The following POLR2D variants were observed in gnomAD, a reference collection of about 807,000 sequenced individuals.
POLR2D encodes the protein RNA polymerase II subunit D.
In POLR2D, 10 loss-of-function variants were observed where a neutral mutation model predicts 17.6. The observed-to-expected ratio is 0.57, with a 90% confidence interval of 0.35 to 0.96. POLR2D has a LOEUF of 0.96. Ranked by LOEUF, POLR2D falls within the 40% of genes least tolerant of loss-of-function variation. The pLI is 0.02. For missense variants in POLR2D, 126 were observed against 176.4 expected, an observed-to-expected ratio of 0.71 and a Z score of 1.62; for synonymous variants, 52 against 60.2, an observed-to-expected ratio of 0.86 and a Z score of 0.63.
rs1690178646 is a variant in POLR2D at position 127,847,684 on chromosome 2, T to G, written c.*423A>C. Reference sequence around the variant, plus strand: ...AACTAACAGCGGTTTAATTCTTCCTTTAGTATCTAGGTAAAACTGGTCTTT... The same window carrying G: ...AACTAACAGCGGTTTAATTCTTCCTGTAGTATCTAGGTAAAACTGGTCTTT... On this transcript the variant is annotated 3_prime_UTR_variant, in exon 4 of 4. Transcript: ENST00000272645. 1 of 173,720 alleles carries G rather than the reference T, an allele frequency of 5.8e-6. No individual in the cohort carries two copies. The highest frequency in any genetic ancestry group is 1.2e-5 in the Non-Finnish European group (1 of 81,002). 10.8% of individuals were successfully genotyped at this position (173,720 alleles called of 1,614,324 possible). A position where few individuals can be genotyped will look rare whatever the true frequency, so the allele number is the denominator to read the frequency against.
At chr2:127,850,206 C>A (rs1033613829) in intron 3 of POLR2D, among the ~76,000 whole-genome samples, 1 of 151,946 alleles carries the variant, frequency 6.6e-6, no homozygotes, top group Admixed American at 6.6e-5. Context: ...TCTGGGAGGC[C>A]GAGGCGGGTG....
At chr2:127,850,778 G>T in intron 2 of POLR2D, 93 bp from the exon 3 acceptor site, 1 of 658,020 alleles carries the variant, frequency 1.5e-6, no homozygotes, top group Non-Finnish European at 2.7e-6. Context: ...GGGATCAAAC[G>T]TAGCTAGTAT....
At chr2:127,856,290 C>CAAAAAAAAAAAAAAAAAAAA (rs61249327) in intron 1 of POLR2D, among the ~76,000 whole-genome samples, 1,554 of 25,364 alleles carry the variant, frequency 0.061, 558 homozygotes, top group East Asian at 0.083. Flanking sequence ...GATCCCGTCT[C>CAAAAAAAAAAAAAAAAAAAA]AAAAAAAAAA....
chr2:127,850,536 C>T, intron 3 of POLR2D, 54 bp downstream of exon 3: 5 of 654,920 alleles, frequency 7.6e-6, no homozygotes, highest in Non-Finnish European at 1.3e-5. Flanking sequence ...CACACCAATT[C>T]TATTTGTAGG....
At chr2:127,857,694 G>C in intron 1 of POLR2D, 1 of 591,084 alleles carries the variant, frequency 1.7e-6, no homozygotes, top group Non-Finnish European at 2.2e-6. Flanking sequence ...ACTAATCGAA[G>C]TTGAGTTCGG....
At chr2:127,855,377 A>G (rs1690310849) in intron 1 of POLR2D, among the ~76,000 whole-genome samples, 1 of 146,384 alleles carries the variant, frequency 6.8e-6, no homozygotes, top group East Asian at 2.0e-4. Context: ...TAAGGCAACA[A>G]CAGTGAAACT....
At chr2:127,857,935 C>G in intron 1 of POLR2D, 93 bp downstream of exon 1, 1 of 1,490,382 alleles carries the variant, frequency 6.7e-7, no homozygotes, top group Non-Finnish European at 8.9e-7. Flanking sequence ...CAAGCCGCCG[C>G]TGAGGCAGGG....
At position 127,847,630 on chromosome 2, in the gene POLR2D, A is replaced by T. The variant is rs1026675760; in HGVS notation, c.*477T>A. Reference sequence around the variant, plus strand: ...GGACAAGAGTTAAGACCCTATCTCCATTTAAAAAAAAAAAAAAAAAGCATT... The same window carrying T: ...GGACAAGAGTTAAGACCCTATCTCCTTTTAAAAAAAAAAAAAAAAAGCATT... On this transcript the variant is annotated 3_prime_UTR_variant, in exon 4 of 4. Transcript: ENST00000272645. 1.2e-5 allele frequency: 2 copies of T among 172,584 alleles called. No homozygotes were observed. The highest frequency in any genetic ancestry group is 5.7e-5 in the Admixed American group (1 of 17,698). The allele number at this position is 172,584 out of a possible 1,614,324, so 10.7% of individuals were successfully genotyped here. A position where few individuals can be genotyped will look rare whatever the true frequency, so the allele number is the denominator to read the frequency against.
At position 127,852,487 on chromosome 2, in the gene POLR2D, T is replaced by C. The variant is rs1355640181; in HGVS notation, c.254+438A>G. 1.3e-5 allele frequency among the ~76,000 whole-genome samples: 2 copies of C among 152,020 alleles called. No individual in the cohort carries two copies. The highest frequency in any genetic ancestry group is 6.6e-5 in the Admixed American group (1 of 15,264). On this transcript the variant is annotated intron_variant, in intron 2 of 3. Coordinates refer to ENST00000272645, the MANE Select transcript of POLR2D (RefSeq NM_004805.4). This position sits in a 1 kb window ranked among gnomAD's most constrained non-coding sequence, Gnocchi z 4.0. ...TCTTGAACTCCTGGCCTCAAGAGAC[T>C]GGTCCACCTCAGCTCCACAAAGTGT... is the stretch of plus-strand genomic sequence containing the variant.
intron 1 of POLR2D, among the ~76,000 whole-genome samples, chr2:127,854,668 G>A (rs1031028504): frequency 5.9e-5 from 9 of 152,068 alleles, no homozygotes; most frequent in Admixed American, 5.9e-4. Flanking sequence ...AATAGAATAG[G>A]CTGCCAATAC....
At position 127,844,107 on chromosome 2, in the gene POLR2D, C is replaced by CAAAACAAAAAAAAA. The variant is rs1690111363; in HGVS notation, c.*3999_*4000insTTTTTTTTTGTTTT. Reference sequence around the variant, plus strand: ...CGACAGAGCAAGATCCTGCTGTATCCAAAAAAAAAAAAAAAAAAAGCCTGG... The same window carrying CAAAACAAAAAAAAA: ...CGACAGAGCAAGATCCTGCTGTATCCAAAACAAAAAAAAAAAAAAAAAAAAAAAAAAAAGCCTGG... On this transcript the variant is annotated 3_prime_UTR_variant, in exon 4 of 4. Coordinates refer to ENST00000272645, the MANE Select transcript of POLR2D (RefSeq NM_004805.4). 1.4e-5 allele frequency: 1 copy of CAAAACAAAAAAAAA among 69,478 alleles called. No homozygotes were observed. Among genetic ancestry groups the CAAAACAAAAAAAAA allele is most frequent in the African/African-American group, 6.4e-5 (1 of 15,640 alleles). The allele number at this position is 69,478 out of a possible 1,614,324, so 4.3% of individuals were successfully genotyped here.
intron 1 of POLR2D, among the ~76,000 whole-genome samples, chr2:127,855,769 A>G (rs1480101522): frequency 6.6e-6 from 1 of 152,022 alleles, no homozygotes; most frequent in Non-Finnish European, 1.5e-5. Flanking sequence ...CCCAAGGAAC[A>G]TTTTCAAGTG....
chr2:127,855,079 G>A (rs1558982730), intron 1 of POLR2D, among the ~76,000 whole-genome samples: 1 of 151,470 alleles, frequency 6.6e-6, no homozygotes, highest in Non-Finnish European at 1.5e-5. Context: ...TGCTTTTACA[G>A]GTCCTGGAAA....
At chr2:127,857,332 T>C (rs1035994831) in intron 1 of POLR2D, among the ~76,000 whole-genome samples, 1 of 152,162 alleles carries the variant, frequency 6.6e-6, no homozygotes, top group Non-Finnish European at 1.5e-5. Context: ...AATAAATCAA[T>C]AAATCAATAA....
Position 127,858,108 on chromosome 2 carries a change from C to G in POLR2D, c.-8G>C, listed in dbSNP as rs766616880. 3 of 1,484,318 alleles carry G rather than the reference C, an allele frequency of 2.0e-6. No homozygotes were observed. Among genetic ancestry groups the G allele is most frequent in the Non-Finnish European group, 2.7e-6 (3 of 1,117,152 alleles). The allele number at this position is 1,484,318 out of a possible 1,614,324, so 91.9% of individuals were successfully genotyped here. A position where few individuals can be genotyped will look rare whatever the true frequency, so the allele number is the denominator to read the frequency against. On this transcript the variant is annotated 5_prime_UTR_variant, in exon 1 of 4. Coordinates refer to ENST00000272645, the MANE Select transcript of POLR2D (RefSeq NM_004805.4). ...GCTGCCACCCGCCGCCATCGCCGCG[C>G]CGCGCCGCGCGCCACCACCAGCGCC... is the stretch of plus-strand genomic sequence containing the variant.
At chr2:127,848,799 A>G (rs1690197453) in intron 3 of POLR2D, among the ~76,000 whole-genome samples, 1 of 152,154 alleles carries the variant, frequency 6.6e-6, no homozygotes, top group East Asian at 1.9e-4. Context: ...TACAGGCGTA[A>G]GCCACCACAC....
intron 1 of POLR2D, among the ~76,000 whole-genome samples, chr2:127,854,459 T>C (rs546640105): frequency 6.6e-6 from 1 of 152,314 alleles, no homozygotes; most frequent in East Asian, 1.9e-4. Flanking sequence ...CCAAAACGAC[T>C]TGCAATTTCA....
chr2:127,846,078 C>G lies in POLR2D; in HGVS notation c.*2029G>C, dbSNP rs1558980012. The G allele has an allele frequency of 1.3e-5, 2 of 152,010 alleles. No individual in the cohort carries two copies. The highest frequency in any genetic ancestry group is 4.8e-5 in the African/African-American group (2 of 41,370). 9.4% of individuals were successfully genotyped at this position (152,010 alleles called of 1,614,324 possible). A position where few individuals can be genotyped will look rare whatever the true frequency, so the allele number is the denominator to read the frequency against. On this transcript the variant is annotated 3_prime_UTR_variant, in exon 4 of 4. Coordinates refer to ENST00000272645, the MANE Select transcript of POLR2D (RefSeq NM_004805.4). Reference sequence around the variant, plus strand: ...ACTAGCCTGGCGAACGTGGTGAAACCCTGTCTCTACTAAAAACACAAAAAA... The same window carrying G: ...ACTAGCCTGGCGAACGTGGTGAAACGCTGTCTCTACTAAAAACACAAAAAA...
intron 1 of POLR2D, 103 bp from the exon 2 acceptor site, chr2:127,853,208 G>A (rs567334837): frequency 5.3e-6 from 5 of 946,522 alleles, no homozygotes; most frequent in East Asian, 2.4e-5. Context: ...TGCAGAAATC[G>A]AGGGGTTTCC....
Sources: allele counts gnomAD v4.1 joint callset (sites outside exome capture counted in the v4.1 genomes callset), GRCh38; gene constraint gnomAD v4.1.1; non-coding constraint Gnocchi (gnomAD v3.1); transcripts MANE v1.5; gene names NCBI Gene and HGNC (gene_info 2026-07-23, HGNC 2026-07-21).